The following EBF1 variants were observed in gnomAD, a reference collection of about 807,000 sequenced individuals.
EBF1 encodes the protein EBF transcription factor 1, also known as transcription factor COE1.
EBF1 carries 10 observed loss-of-function variants against 68.4 expected under a neutral mutation model. The ratio of observed to expected loss-of-function variants is 0.15; its 90% confidence interval spans 0.09 to 0.25. EBF1 has a LOEUF of 0.25. Among genes scored for constraint, EBF1 ranks in the 10% least tolerant of loss-of-function variants. The pLI, the probability that EBF1 is intolerant of heterozygous loss-of-function variation, is 1.00. For missense variants in EBF1, 509 were observed against 794.4 expected (o/e 0.64, Z 4.32); for synonymous variants, 298 against 299.8 (o/e 0.99, Z 0.06).
At chr5:158,955,054 G>A (rs1310574505) in intron 6 of EBF1, among the ~76,000 whole-genome samples, 2 of 152,196 alleles carry the variant, frequency 1.3e-5, no homozygotes, top group Admixed American at 1.3e-4. Flanking sequence ...GCCGGGCGCA[G>A]TGGCTCACGC....
intron 6 of EBF1, among the ~76,000 whole-genome samples, chr5:159,044,248 C>T (rs1046024843): frequency 1.1e-4 from 16 of 152,140 alleles, no homozygotes; most frequent in Admixed American, 9.2e-4. Context: ...TGATGACAAT[C>T]TTAGCAGAGG....
At chr5:158,844,677 G>A (rs1056885971) in intron 6 of EBF1, among the ~76,000 whole-genome samples, 1 of 152,152 alleles carries the variant, frequency 6.6e-6, no homozygotes, top group Non-Finnish European at 1.5e-5. Context: ...CATAATATTA[G>A]CTTCTCAAGC....
intron 4 of EBF1, among the ~76,000 whole-genome samples, chr5:159,094,003 T>TA (rs1345039593): frequency 6.7e-6 from 1 of 148,456 alleles, no homozygotes; most frequent in African/African-American, 2.5e-5. Flanking sequence ...CTCCCAACTT[T>TA]TTTTTTTTTT....
intron 10 of EBF1, among the ~76,000 whole-genome samples, chr5:158,773,454 G>A (rs907933633): frequency 1.3e-5 from 2 of 152,102 alleles, no homozygotes; most frequent in Non-Finnish European, 2.9e-5. Flanking sequence ...GTTAGTGGTA[G>A]AAAAGATCTG....
At chr5:158,712,467 G>A in intron 13 of EBF1, 134 bp from the exon 14 acceptor site, 1 of 956,586 alleles carries the variant, frequency 1.0e-6, no homozygotes, top group South Asian at 1.6e-5. Flanking sequence ...GGTGATTCAT[G>A]TGCGTGGGTT....
At chr5:158,777,744 T>C (rs1775589709) in intron 9 of EBF1, among the ~76,000 whole-genome samples, 1 of 152,090 alleles carries the variant, frequency 6.6e-6, no homozygotes, top group Non-Finnish European at 1.5e-5. Context: ...TTATCTGGGT[T>C]TTCCTACATG....
chr5:159,005,188 C>A (rs1216317030), intron 6 of EBF1, among the ~76,000 whole-genome samples: 1 of 152,188 alleles, frequency 6.6e-6, no homozygotes, highest in Non-Finnish European at 1.5e-5. Context: ...AATCAAATCT[C>A]AAAAGTGCCC....
At chr5:159,070,649 C>T (rs752215272) in intron 6 of EBF1, among the ~76,000 whole-genome samples, 1 of 152,208 alleles carries the variant, frequency 6.6e-6, no homozygotes, top group Non-Finnish European at 1.5e-5. Context: ...TCCCAAATTC[C>T]GAAGGACAAG....
chr5:158,712,830 A>G (rs1581230807), intron 13 of EBF1, 140 bp downstream of exon 13: 3 of 842,824 alleles, frequency 3.6e-6, no homozygotes, highest in East Asian at 5.9e-5. Context: ...AATATTGTAC[A>G]ATAATATCTT....
At chr5:158,822,542 G>A (rs1329555036) in intron 8 of EBF1, among the ~76,000 whole-genome samples, 1 of 152,098 alleles carries the variant, frequency 6.6e-6, no homozygotes, top group East Asian at 1.9e-4. Flanking sequence ...AAGACAAATG[G>A]GATTTCTCCC....
At chr5:159,028,381 C>T (rs1768112771) in intron 6 of EBF1, among the ~76,000 whole-genome samples, 1 of 152,104 alleles carries the variant, frequency 6.6e-6, no homozygotes, top group South Asian at 2.1e-4. Context: ...TATCAACATA[C>T]CAAGCAATTG....
intron 6 of EBF1, among the ~76,000 whole-genome samples, chr5:158,929,297 CT>C (rs1419452641): frequency 1.3e-5 from 2 of 152,108 alleles, no homozygotes; most frequent in African/African-American, 4.8e-5. Flanking sequence ...AATTATCAGC[CT>C]TTGTATCAGG....
chr5:158,956,465 ACACACACACACACG>A lies in EBF1; in HGVS notation c.555-116369_555-116356del, dbSNP rs562329447. 5.8e-4 allele frequency among the ~76,000 whole-genome samples: 87 copies of A among 149,916 alleles called. 1 individual carries two copies. The highest frequency in any genetic ancestry group is 1.1e-3 in the Non-Finnish European group (75 of 67,666). On this transcript the variant is annotated intron_variant, in intron 6 of 15. Transcript: ENST00000313708. ...CCTTAGAATGCACGCACACATAGAC[ACACACACACACACG>A]CACACACACACACGCACGCACACTT...
intron 10 of EBF1, among the ~76,000 whole-genome samples, chr5:158,750,360 A>G (rs1011010277): frequency 6.6e-6 from 1 of 152,134 alleles, no homozygotes; most frequent in Non-Finnish European, 1.5e-5. Flanking sequence ...ACAAATGATA[A>G]GAGAGGAAAT....
At chr5:158,925,936 T>G (rs951088069) in intron 6 of EBF1, among the ~76,000 whole-genome samples, 7 of 152,180 alleles carry the variant, frequency 4.6e-5, no homozygotes, top group Non-Finnish European at 7.4e-5. Flanking sequence ...CCACTACCCA[T>G]GTGTCCAGGA....
intron 10 of EBF1, among the ~76,000 whole-genome samples, chr5:158,744,145 C>T (rs937203953): frequency 2.6e-4 from 40 of 151,280 alleles, no homozygotes; most frequent in African/African-American, 8.3e-4. Flanking sequence ...CAAAGTGAGA[C>T]ACTGTCAAAA....
chr5:158,762,175 C>T (rs980792546), intron 10 of EBF1, among the ~76,000 whole-genome samples: 2 of 152,084 alleles, frequency 1.3e-5, no homozygotes, highest in African/African-American at 4.8e-5. Flanking sequence ...CCACCTGGAT[C>T]CTTAGAAGGA....
At chr5:158,803,429 G>T in intron 8 of EBF1, among the ~76,000 whole-genome samples, 1 of 143,208 alleles carries the variant, frequency 7.0e-6, no homozygotes, top group Non-Finnish European at 1.5e-5. Flanking sequence ...TGCCTTCTTT[G>T]ATCCTGAAAC....
intron 6 of EBF1, among the ~76,000 whole-genome samples, chr5:158,996,939 G>A (rs1761539033): frequency 6.6e-6 from 1 of 152,156 alleles, no homozygotes; most frequent in Non-Finnish European, 1.5e-5. Context: ...CTCTCAAGTA[G>A]TCAGTGGCAT....
Sources: allele counts gnomAD v4.1 joint callset (sites outside exome capture counted in the v4.1 genomes callset), GRCh38; gene constraint gnomAD v4.1.1; transcripts MANE v1.5; gene names NCBI Gene and HGNC (gene_info 2026-07-23, HGNC 2026-07-21).